The following KRT79 variants were observed in gnomAD, a reference collection of about 807,000 sequenced individuals.
KRT79 encodes the protein keratin 79.
A neutral mutation model predicts 49.0 loss-of-function variants in KRT79; 51 were observed. The ratio of observed to expected loss-of-function variants is 1.04; its 90% CI spans 0.83 to 1.31. The LOEUF is 1.31. KRT79 is among the 40% of genes most tolerant of loss of function. The probability of loss-of-function intolerance (pLI) is 0.00; values close to 1 mark genes in which losing one functional copy is unlikely to be tolerated. For missense variants in KRT79, 728 were observed against 688.0 expected, an observed-to-expected ratio of 1.06 and a Z score of -0.65; for synonymous variants, 312 against 286.6, an observed-to-expected ratio of 1.09 and a Z score of -0.90.
rs761438905 is a variant in KRT79, at chr12:52,823,971, G to A, written c.1062C>T (p.Asn354=). The change falls in exon 6 of 9, where the codon AAC becomes AAT. Residue 354 remains asparagine, a synonymous_variant. Transcript: ENST00000330553. Reference sequence around the variant, plus strand: ...CAATCTCGTTCTTGGTGTCCCGCAGGTTGTCCCCATGCTTCCCAGCAGTCA... The same window carrying A: ...CAATCTCGTTCTTGGTGTCCCGCAGATTGTCCCCATGCTTCCCAGCAGTCA... ...LQVTAGKHGD[N]LRDTKNEIAE... is the part of the protein sequence containing the mutation. The A allele has an allele frequency of 1.2e-6, 2 of 1,614,162 alleles. No homozygotes were observed. Among genetic ancestry groups the A allele is most frequent in the South Asian group, 1.1e-5 (1 of 91,078 alleles).
At chr12:52,822,248 G>C (rs1940101916) in intron 8 of KRT79, 97 bp downstream of exon 8, 1 of 1,379,920 alleles carries the variant, frequency 7.2e-7, no homozygotes. Flanking sequence ...CTCGAATGGA[G>C]GAGAGCATGC....
At chr12:52,829,968 C>A in intron 4 of KRT79, 55 bp downstream of exon 4, 1 of 1,443,828 alleles carries the variant, frequency 6.9e-7, no homozygotes, top group East Asian at 2.3e-5. Flanking sequence ...CCATGGAAAA[C>A]GCCCAGTGCT....
chr12:52,823,221 T>C lies in KRT79; in HGVS notation c.1162A>G (p.Thr388Ala). 6.2e-7 allele frequency: 1 copy of C among 1,614,164 alleles called. No homozygotes were observed. Among genetic ancestry groups the C allele is most frequent in the Non-Finnish European group, 8.5e-7 (1 of 1,179,998 alleles). Residue 388 changes from threonine to alanine, a missense_variant, in exon 7 of 9, where the codon ACG becomes GCG. Physicochemically the swap from Thr to Ala is moderately conservative, Grantham distance 58. Transcript: ENST00000330553. ...AAKKQCQQLQ[T>A]AIAEAEQRGE... Reference sequence around the variant, plus strand: ...CGCTGCTCCGCTTCCGCAATGGCCGTCTGCAGCTGCTGACACTGCCCAGGG... The same window carrying C: ...CGCTGCTCCGCTTCCGCAATGGCCGCCTGCAGCTGCTGACACTGCCCAGGG...
chr12:52,824,130 C>A, intron 5 of KRT79, 68 bp downstream of exon 5: 1 of 1,610,696 alleles, frequency 6.2e-7, no homozygotes, highest in East Asian at 2.2e-5. Flanking sequence ...CCCAGAGGCC[C>A]AAGCCTCTCA....
Position 52,834,142 on chromosome 12 carries a change from C to G in KRT79, c.119G>C (p.Arg40Pro), listed in dbSNP as rs373385213. 6.2e-7 allele frequency: 1 copy of G among 1,613,506 alleles called. No homozygotes were observed. Among genetic ancestry groups the G allele is most frequent in the Non-Finnish European group, 8.5e-7 (1 of 1,179,868 alleles). Residue 40 changes from arginine (R) to proline (P), a missense_variant, in exon 1 of 9, where the codon CGG becomes CCG. Transcript: ENST00000330553. ...GGCCCCGCCACCACTGCCACTGCTC[C>G]GAGACACCGTCACTGAGCTGAAGCT... ...RTSFSSVTVS[R>P]SSGSGGGAHC... is the part of the protein sequence containing the mutation.
In KRT79 at chr12:52,823,177, C is replaced by T. The variant is rs1940122866; in HGVS notation, c.1206G>A (p.Lys402=). The T allele has an allele frequency of 1.2e-6, 2 of 1,614,110 alleles. No homozygotes were observed. Among genetic ancestry groups the T allele is most frequent in the South Asian group, 2.2e-5 (2 of 91,086 alleles). ...GATCCCCAAGCTTCTTCTGAGCATC[C>T]TTGAGTGCCAGCTCCCCACGCTGCT... ...EAEQRGELAL[K]DAQKKLGDLD... The change falls in exon 7 of 9, where the codon AAG becomes AAA. Residue 402 remains lysine (K), a synonymous_variant. Transcript: ENST00000330553.
Position 52,824,283 on chromosome 12 carries a change from T to C in KRT79, c.935A>G (p.Asp312Gly), listed in dbSNP as rs548726382. Residue 312 changes from aspartate (D) to glycine (G), a missense_variant, in exon 5 of 9, where the codon GAC becomes GGC. By Grantham distance (94) the Asp-to-Gly change is moderately conservative. Coordinates refer to ENST00000330553, the MANE Select transcript of KRT79 (RefSeq NM_175834.3). Reference sequence around the variant, plus strand: ...GGCCTTGACCTCGGCGATGATGCTGTCCAGGTCCAGGTTGCGGTTGTTGTC... The same window carrying C: ...GGCCTTGACCTCGGCGATGATGCTGCCCAGGTCCAGGTTGCGGTTGTTGTC... ...SMDNNRNLDL[D>G]SIIAEVKAQY... 1.2e-6 allele frequency: 2 copies of C among 1,614,216 alleles called. No homozygotes were observed. The highest frequency in any genetic ancestry group is 2.7e-5 in the African/African-American group (2 of 75,058).
In KRT79 at chr12:52,829,217, C is replaced by T. The variant is rs143404816; in HGVS notation, c.855+806G>A. Among the ~76,000 whole-genome samples the T allele has an allele frequency of 3.2e-4, 49 of 152,296 alleles. 1 individual carries two copies. Among genetic ancestry groups the T allele is most frequent in the Middle Eastern group, 6.8e-3 (2 of 294 alleles). ...TTAAGTTCAACCCTCTCACTCTAGTCTCCAAAGCCCTCTTGTCTCCTGGAA... is the reference window on the plus strand; with the variant it reads ...TTAAGTTCAACCCTCTCACTCTAGTTTCCAAAGCCCTCTTGTCTCCTGGAA... On this transcript the variant is annotated intron_variant, in intron 4 of 8. Transcript: ENST00000330553.
chr12:52,830,357 T>A lies in KRT79; in HGVS notation c.699-65A>T, dbSNP rs531073298. 2.2e-5 allele frequency: 32 copies of A among 1,456,488 alleles called. No individual in the cohort carries two copies. In the African/African-American group the frequency reaches 3.8e-4, roughly 17 times the overall value. 90.2% of individuals were successfully genotyped at this position (1,456,488 alleles called of 1,614,324 possible). A position where few individuals can be genotyped will look rare whatever the true frequency, so the allele number is the denominator to read the frequency against. ...TCTGCCTTTCAGGCATGGGACCCAC[T>A]CAGCCTTACAGAAGCCCTGATGGGT... On this transcript the variant is annotated intron_variant, in intron 2 of 8. Transcript: ENST00000330553.
chr12:52,833,210 T>G (rs1167243610), intron 1 of KRT79, among the ~76,000 whole-genome samples: 1 of 152,142 alleles, frequency 6.6e-6, no homozygotes, highest in Non-Finnish European at 1.5e-5. Context: ...AAATTGAGCT[T>G]CTTCACTCAG....
chr12:52,821,943 C>A lies in KRT79; in HGVS notation c.1537G>T (p.Gly513Trp), dbSNP rs1462242420. 6.2e-7 allele frequency: 1 copy of A among 1,614,176 alleles called. No homozygotes were observed. Among genetic ancestry groups the A allele is most frequent in the Non-Finnish European group, 8.5e-7 (1 of 1,180,040 alleles). The change falls in exon 9 of 9, where the codon GGG becomes TGG. Residue 513 changes from glycine (G) to tryptophan (W), a missense_variant. Coordinates refer to ENST00000330553, the MANE Select transcript of KRT79 (RefSeq NM_175834.3). ...ATGGAGGTGCCCGCAGAGACTGGCC[C>A]TCCCTTGACGGTGCTATAGCCCACA... is the stretch of plus-strand genomic sequence containing the variant. Reference protein sequence around the residue: ...TNVGYSTVKGGPVSAGTSILR... With the variant: ...TNVGYSTVKGWPVSAGTSILR...
chr12:52,823,863 C>T (rs1373365187), intron 6 of KRT79, 24 bp downstream of exon 6: 2 of 1,605,492 alleles, frequency 1.2e-6, no homozygotes, highest in East Asian at 4.5e-5. Context: ...AGGCCAGACC[C>T]CCAAGCCCCC....
Position 52,823,147 on chromosome 12 carries a change from A to C in KRT79, c.1236T>G (p.Asp412Glu), listed in dbSNP as rs1255249167. The change falls in exon 7 of 9, where the codon GAT becomes GAG. Residue 412 changes from aspartate (D) to glutamate (E), a missense_variant. Coordinates refer to ENST00000330553, the MANE Select transcript of KRT79 (RefSeq NM_175834.3). ...KDAQKKLGDL[D>E]VALHQAKEDL... ...CCTCCTTGGCCTGGTGCAGGGCCAC[A>C]TCCAGATCCCCAAGCTTCTTCTGAG... 8 of 1,614,068 alleles carry C rather than the reference A, an allele frequency of 5.0e-6. No homozygotes were observed. In the Admixed American group the frequency reaches 8.3e-5, roughly 17 times the overall value.
At chr12:52,828,977 G>A (rs1029790028) in intron 4 of KRT79, among the ~76,000 whole-genome samples, 2 of 152,202 alleles carry the variant, frequency 1.3e-5, no homozygotes, top group Non-Finnish European at 1.5e-5. Flanking sequence ...TCATGAGAAG[G>A]AGATTCAAGT....
At position 52,823,002 on chromosome 12, in the gene KRT79, G is replaced by A. The variant is rs763689537; in HGVS notation, c.1367+14C>T. 1.2e-5 allele frequency: 20 copies of A among 1,613,068 alleles called. No individual in the cohort carries two copies. The highest frequency in any genetic ancestry group is 2.2e-5 in the East Asian group (1 of 44,878). ...CCGACCCAGCTTTCTGGGTCGGGCA[G>A]GAGGGGCCACCACCTGCTCTCCTCG... On this transcript the variant is annotated intron_variant, in intron 7 of 8. Transcript: ENST00000330553.
intron 7 of KRT79, 142 bp downstream of exon 7, chr12:52,822,874 C>T: frequency 1.3e-6 from 1 of 754,344 alleles, no homozygotes; most frequent in Non-Finnish European, 2.1e-6. Context: ...GCAGTGGGCA[C>T]AAGCAGATTT....
rs563550936 is a variant in KRT79 at position 52,821,819 on chromosome 12, T to C, written c.*53A>G. 3 of 1,506,760 alleles carry C rather than the reference T, an allele frequency of 2.0e-6. No individual in the cohort carries two copies. Among genetic ancestry groups the C allele is most frequent in the East Asian group, 4.6e-5 (2 of 43,180 alleles). 93.3% of individuals were successfully genotyped at this position (1,506,760 alleles called of 1,614,324 possible). A position where few individuals can be genotyped will look rare whatever the true frequency, so the allele number is the denominator to read the frequency against. On this transcript the variant is annotated 3_prime_UTR_variant, in exon 9 of 9. Transcript: ENST00000330553. ...AAGTGACTGGAAAGGACAGCAGAGG[T>C]GGGGTGAGGAGGGCAGGGACAGGAT...
intron 1 of KRT79, among the ~76,000 whole-genome samples, chr12:52,833,257 C>T (rs1432635241): frequency 6.6e-6 from 1 of 152,156 alleles, no homozygotes; most frequent in African/African-American, 2.4e-5. Flanking sequence ...GAGCCTACCC[C>T]TAGGACCCCA....
At position 52,821,802 on chromosome 12, in the gene KRT79, G is replaced by A; in HGVS notation, c.*70C>T. On this transcript the variant is annotated 3_prime_UTR_variant, in exon 9 of 9. Coordinates refer to ENST00000330553, the MANE Select transcript of KRT79 (RefSeq NM_175834.3). ...CTGTTCCTGCTCCTGAGAAGTGACT[G>A]GAAAGGACAGCAGAGGTGGGGTGAG... The A allele has an allele frequency of 1.4e-6, 2 of 1,408,898 alleles. No individual in the cohort carries two copies. Among genetic ancestry groups the A allele is most frequent in the Non-Finnish European group, 9.9e-7 (1 of 1,010,338 alleles). The allele number at this position is 1,408,898 out of a possible 1,614,324, so 87.3% of individuals were successfully genotyped here.
Sources: allele counts gnomAD v4.1 joint callset (sites outside exome capture counted in the v4.1 genomes callset), GRCh38; gene constraint gnomAD v4.1.1; transcripts MANE v1.5; gene names NCBI Gene and HGNC (gene_info 2026-07-23, HGNC 2026-07-21).